Variants in BBS9 observed in about 807,000 individuals in gnomAD.
BBS9 encodes protein PTHB1.
A neutral mutation model predicts 117.7 loss-of-function variants in BBS9; 89 were observed. That is an observed-to-expected ratio of 0.76 (90% confidence interval 0.64 to 0.90). The LOEUF is 0.90. Ranked by LOEUF, BBS9 falls within the 40% of genes least tolerant of loss-of-function variation. The pLI, the probability that BBS9 is intolerant of heterozygous loss-of-function variation, is 0.00. For synonymous variants in BBS9, 379 were observed against 370.9 expected (o/e 1.02, Z -0.25); for missense variants, 982 against 1,042.2 (o/e 0.94, Z 0.80).
intron 21 of BBS9, among the ~76,000 whole-genome samples, chr7:33,543,239 G>T (rs1023058559): frequency 5.3e-5 from 8 of 151,146 alleles, no homozygotes; most frequent in African/African-American, 9.7e-5. Context: ...TCATAGGTTT[G>T]TTGGCCATTT....
intron 5 of BBS9, among the ~76,000 whole-genome samples, chr7:33,236,023 T>C (rs1583796686): frequency 1.3e-5 from 2 of 152,074 alleles, no homozygotes; most frequent in East Asian, 3.8e-4. Flanking sequence ...ACTACTGTAT[T>C]GTTTATAAAT....
intron 10 of BBS9, among the ~76,000 whole-genome samples, chr7:33,340,277 T>A (rs1374704513): frequency 6.6e-6 from 1 of 152,180 alleles, no homozygotes; most frequent in African/African-American, 2.4e-5. Context: ...ATTAGACACA[T>A]TGTACTACAT....
chr7:33,576,875 C>T (rs1418129210), intron 21 of BBS9, among the ~76,000 whole-genome samples: 1 of 152,130 alleles, frequency 6.6e-6, no homozygotes, highest in Non-Finnish European at 1.5e-5. Flanking sequence ...AACTGGATCC[C>T]TTCCTTACAC....
intron 21 of BBS9, among the ~76,000 whole-genome samples, chr7:33,564,584 T>C (rs1421893719): frequency 6.6e-6 from 1 of 152,222 alleles, no homozygotes; most frequent in Non-Finnish European, 1.5e-5. Context: ...ATTCTGATTA[T>C]TATAATGGAA....
At chr7:33,502,322 G>A (rs748628739) in intron 19 of BBS9, among the ~76,000 whole-genome samples, 1 of 152,222 alleles carries the variant, frequency 6.6e-6, no homozygotes, top group Non-Finnish European at 1.5e-5. Flanking sequence ...AACATTTGTG[G>A]ATTTTCATGT....
intron 21 of BBS9, among the ~76,000 whole-genome samples, chr7:33,613,108 A>G (rs1864960452): frequency 6.6e-6 from 1 of 152,094 alleles, no homozygotes; most frequent in South Asian, 2.1e-4. Context: ...CAGTTGCAAT[A>G]CAAGATGACA....
At chr7:33,630,510 T>C (rs533872444) in intron 21 of BBS9, among the ~76,000 whole-genome samples, 1 of 152,276 alleles carries the variant, frequency 6.6e-6, no homozygotes, top group East Asian at 1.9e-4. Context: ...CCTGCGTCCG[T>C]TAAGGATCAA....
chr7:33,576,099 A>G (rs1858805196), intron 21 of BBS9, among the ~76,000 whole-genome samples: 1 of 152,226 alleles, frequency 6.6e-6, no homozygotes, highest in East Asian at 1.9e-4. Context: ...TCAATTAGGA[A>G]AAAAGGAAGT....
intron 20 of BBS9, among the ~76,000 whole-genome samples, chr7:33,516,696 A>C (rs1847865218): frequency 6.6e-6 from 1 of 152,174 alleles, no homozygotes; most frequent in Non-Finnish European, 1.5e-5. Flanking sequence ...TACAATAAAT[A>C]GGAAAAATCT....
In BBS9 at chr7:33,538,337, C is replaced by T. The variant is rs571211845; in HGVS notation, c.2521+4161C>T. On this transcript the variant is annotated intron_variant, in intron 21 of 22. Transcript: ENST00000242067. Reference sequence around the variant, plus strand: ...CATTTTGAGATGTGGTAGGGACCACCCAGGAATTAGCATTTTGTGCATCTT... The same window carrying T: ...CATTTTGAGATGTGGTAGGGACCACTCAGGAATTAGCATTTTGTGCATCTT... 3.3e-5 allele frequency among the ~76,000 whole-genome samples: 5 copies of T among 152,070 alleles called. No individual in the cohort carries two copies. The East Asian group carries it at 9.7e-4, about 29-fold the overall frequency.
intron 19 of BBS9, among the ~76,000 whole-genome samples, chr7:33,493,478 G>A (rs1443251312): frequency 2.0e-5 from 3 of 152,156 alleles, no homozygotes; most frequent in Non-Finnish European, 4.4e-5. Context: ...TGAGTGACTT[G>A]CCCCAAACCT....
intron 5 of BBS9, among the ~76,000 whole-genome samples, chr7:33,193,912 A>G (rs1325289215): frequency 1.3e-5 from 2 of 152,100 alleles, no homozygotes; most frequent in African/African-American, 4.8e-5. Context: ...TTTCATTAGA[A>G]GCTGTTTCCA....
At chr7:33,592,828 G>T (rs190176674) in intron 21 of BBS9, among the ~76,000 whole-genome samples, 1 of 152,234 alleles carries the variant, frequency 6.6e-6, no homozygotes, top group Admixed American at 6.5e-5. Context: ...ATGCAAGAGG[G>T]AAAGCTGTGA....
intron 5 of BBS9, among the ~76,000 whole-genome samples, chr7:33,217,633 C>T (rs1789333730): frequency 1.3e-5 from 2 of 152,182 alleles, no homozygotes; most frequent in Admixed American, 6.5e-5. Flanking sequence ...ATATTCTAAC[C>T]ATGCTGAGAT....
intron 21 of BBS9, among the ~76,000 whole-genome samples, chr7:33,584,481 T>G (rs1860548393): frequency 6.6e-6 from 1 of 152,062 alleles, no homozygotes; most frequent in Admixed American, 6.6e-5. Context: ...TTATTCCTAG[T>G]TCACTGGCAT....
intron 9 of BBS9, among the ~76,000 whole-genome samples, chr7:33,300,481 C>T (rs1235929859): frequency 6.6e-6 from 1 of 152,040 alleles, no homozygotes; most frequent in African/African-American, 2.4e-5. Context: ...TGAACCATTT[C>T]TTTTTAATTT....
At chr7:33,594,097 T>C (rs917515648) in intron 21 of BBS9, among the ~76,000 whole-genome samples, 1 of 152,138 alleles carries the variant, frequency 6.6e-6, no homozygotes, top group African/African-American at 2.4e-5. Context: ...ACTGGAGCCC[T>C]TATACCCTAA....
chr7:33,210,778 T>C (rs1328544732), intron 5 of BBS9, among the ~76,000 whole-genome samples: 1 of 152,100 alleles, frequency 6.6e-6, no homozygotes, highest in East Asian at 1.9e-4. Context: ...TGCCTCGGTC[T>C]CCCAAAGTGC....
chr7:33,241,841 T>A (rs898738052), intron 5 of BBS9, among the ~76,000 whole-genome samples: 3 of 152,164 alleles, frequency 2.0e-5, no homozygotes, highest in Admixed American at 1.3e-4. Context: ...CTGCTTTTAT[T>A]TCCTTAAACA....
Sources: allele counts gnomAD v4.1 joint callset (sites outside exome capture counted in the v4.1 genomes callset), GRCh38; gene constraint gnomAD v4.1.1; transcripts MANE v1.5; gene names NCBI Gene and HGNC (gene_info 2026-07-23, HGNC 2026-07-21).